The following CCDC102B variants were observed in gnomAD, a reference collection of about 807,000 sequenced individuals.
The protein encoded by CCDC102B is coiled-coil domain-containing protein 102B.
A neutral mutation model predicts 57.4 loss-of-function variants in CCDC102B; 75 were observed. The ratio of observed to expected loss-of-function variants is 1.31; its 90% CI spans 1.08 to 1.58. The LOEUF is 1.58. Among genes scored for constraint, CCDC102B ranks in the 40% most tolerant of loss-of-function variants. The pLI is 0.00. For missense variants in CCDC102B, 636 were observed against 582.6 expected, an observed-to-expected ratio of 1.09 and a Z score of -0.94; for synonymous variants, 206 against 201.9, an observed-to-expected ratio of 1.02 and a Z score of -0.17.
At chr18:68,812,124 C>T (rs1037635180) in intron 1 of CCDC102B, among the ~76,000 whole-genome samples, 8 of 152,010 alleles carry the variant, frequency 5.3e-5, no homozygotes, top group African/African-American at 1.9e-4. Context: ...GAAATAAAAA[C>T]CTTGCTAAAG....
intron 7 of CCDC102B, among the ~76,000 whole-genome samples, chr18:69,016,165 TTTAA>T (rs142014458): frequency 0.026 from 3,921 of 152,100 alleles, 111 homozygotes; most frequent in East Asian, 0.13. Flanking sequence ...GCCCGGCCAA[TTTAA>T]TTGTTATTTC....
intron 2 of CCDC102B, among the ~76,000 whole-genome samples, chr18:68,722,133 T>G (rs1023584963): frequency 2.6e-5 from 4 of 152,194 alleles, no homozygotes; most frequent in Non-Finnish European, 5.9e-5. Context: ...TCCGTAGTAT[T>G]GTCTCTGGCT....
chr18:68,923,477 G>A (rs533020565), intron 6 of CCDC102B, among the ~76,000 whole-genome samples: 1 of 151,926 alleles, frequency 6.6e-6, no homozygotes, highest in East Asian at 1.9e-4. Flanking sequence ...TAACTGCCAC[G>A]AATTGAGCAC....
chr18:68,950,610 T>C (rs2145194987), intron 6 of CCDC102B, among the ~76,000 whole-genome samples: 1 of 152,260 alleles, frequency 6.6e-6, no homozygotes. Context: ...TCACCGTCGA[T>C]TCTCAATCTG....
chr18:68,969,063 G>A (rs1000792047), intron 6 of CCDC102B, among the ~76,000 whole-genome samples: 5 of 152,004 alleles, frequency 3.3e-5, no homozygotes, highest in Middle Eastern at 3.2e-3. Context: ...TGAGCTCATT[G>A]CAGTTCATTG....
At chr18:68,920,391 G>T (rs2041235041) in intron 6 of CCDC102B, among the ~76,000 whole-genome samples, 1 of 152,066 alleles carries the variant, frequency 6.6e-6, no homozygotes, top group South Asian at 2.1e-4. Context: ...TCTGATGTTT[G>T]GCAAACCTGG....
At chr18:68,941,737 GTGA>G (rs2049385298) in intron 6 of CCDC102B, among the ~76,000 whole-genome samples, 1 of 152,060 alleles carries the variant, frequency 6.6e-6, no homozygotes, top group African/African-American at 2.4e-5. Context: ...AAAATGCAAT[GTGA>G]TGATATCATA....
intron 6 of CCDC102B, among the ~76,000 whole-genome samples, chr18:69,010,430 C>T (rs1043684546): frequency 6.6e-6 from 1 of 152,010 alleles, no homozygotes; most frequent in Non-Finnish European, 1.5e-5. Context: ...TCTTTCTTTA[C>T]TCATGATGGG....
At chr18:68,893,449 T>TA in intron 5 of CCDC102B, among the ~76,000 whole-genome samples, 1 of 152,146 alleles carries the variant, frequency 6.6e-6, no homozygotes. Context: ...TCATGTTATG[T>TA]TATGGTAAGT....
chr18:68,815,677 T>TACACACACACAC (rs10592850), intron 1 of CCDC102B, among the ~76,000 whole-genome samples: 4,935 of 149,220 alleles, frequency 0.033, 208 homozygotes, highest in African/African-American at 0.099. Flanking sequence ...TCCATTTACA[T>TACACACACACAC]ACACACACAC....
chr18:69,004,951 A>G (rs532362391), intron 6 of CCDC102B, among the ~76,000 whole-genome samples: 1 of 152,334 alleles, frequency 6.6e-6, no homozygotes, highest in East Asian at 1.9e-4. Context: ...CTTATTTTAA[A>G]CTATCATCTG....
intron 2 of CCDC102B, among the ~76,000 whole-genome samples, chr18:68,780,480 T>C (rs2034971095): frequency 6.6e-6 from 1 of 152,074 alleles, no homozygotes; most frequent in Admixed American, 6.6e-5. Context: ...GTTTTTTTTT[T>C]TTTTGCTTCC....
In CCDC102B at chr18:69,000,582, A is replaced by G. The variant is rs552380667; in HGVS notation, c.1264-10352A>G. 3.3e-5 allele frequency among the ~76,000 whole-genome samples: 5 copies of G among 152,316 alleles called. No homozygotes were observed. In the South Asian group the frequency reaches 1.0e-3, roughly 32 times the overall value. On this transcript the variant is annotated intron_variant, in intron 6 of 7. Coordinates refer to ENST00000360242, the MANE Select transcript of CCDC102B (RefSeq NM_024781.3). ...ATGACTCATGGCTGTTGAGCAAACT[A>G]GTCAGAGACATTATCAGTATAGTCT...
intron 5 of CCDC102B, among the ~76,000 whole-genome samples, chr18:68,881,836 T>A (rs568308062): frequency 3.9e-5 from 6 of 152,298 alleles, no homozygotes; most frequent in Admixed American, 3.9e-4. Context: ...TTGACCACTA[T>A]GTGATACTGC....
Position 68,897,499 on chromosome 18 carries a change from A to C in CCDC102B, c.1263+71A>C. ...TGATGCCTACGCAGAGTCTGTCTTC[A>C]CTCGTACACGCCTCCACATTTGGAT... On this transcript the variant is annotated intron_variant, in intron 6 of 7. Transcript: ENST00000360242. The C allele has an allele frequency of 9.0e-6, 14 of 1,562,226 alleles. 1 individual carries two copies. Among genetic ancestry groups the C allele is most frequent in the Non-Finnish European group, 1.1e-5 (13 of 1,139,764 alleles).
intron 6 of CCDC102B, among the ~76,000 whole-genome samples, chr18:68,956,314 G>T (rs1374599932): frequency 1.2e-4 from 2 of 16,336 alleles, no homozygotes; most frequent in East Asian, 1.9e-3. Context: ...TTTCTTTATA[G>T]ATATATTTTA....
At chr18:68,740,627 C>T (rs552809932) in intron 2 of CCDC102B, among the ~76,000 whole-genome samples, 2 of 152,242 alleles carry the variant, frequency 1.3e-5, no homozygotes, top group South Asian at 2.1e-4. Flanking sequence ...GAGGTGAGGA[C>T]CTTGGCCATT....
intron 6 of CCDC102B, among the ~76,000 whole-genome samples, chr18:68,982,627 T>G (rs1294616092): frequency 1.3e-5 from 2 of 151,644 alleles, no homozygotes; most frequent in East Asian, 1.9e-4. Context: ...TAGTACATTG[T>G]TTTTTTTAAT....
At chr18:69,046,745 T>C (rs887163579) in intron 7 of CCDC102B, among the ~76,000 whole-genome samples, 7 of 152,084 alleles carry the variant, frequency 4.6e-5, no homozygotes, top group Admixed American at 4.6e-4. Context: ...TTTAAGTCTT[T>C]ATAATCCATC....
Sources: gnomAD v4.1 joint callset for allele counts (sites outside exome capture counted in the v4.1 genomes callset) on GRCh38, gnomAD v4.1.1 for gene constraint, MANE v1.5 for transcripts, NCBI Gene and HGNC (gene_info 2026-07-23, HGNC 2026-07-21) for gene names.